The following LRRC4C variants were observed in gnomAD, a reference collection of about 807,000 sequenced individuals.
LRRC4C encodes leucine rich repeat containing 4C.
Under a neutral mutation model 33.6 loss-of-function variants are expected in LRRC4C, and 5 were observed. That is an observed-to-expected ratio of 0.15 (90% CI 0.08 to 0.31). The LOEUF (loss-of-function observed/expected upper bound fraction) is 0.31. Among genes scored for constraint, LRRC4C ranks in the 10% least tolerant of loss-of-function variants. LRRC4C has a pLI of 1.00. For synonymous variants in LRRC4C, 329 were observed against 302.0 expected (o/e 1.09, Z -0.93); for missense variants, 560 against 796.7 (o/e 0.70, Z 3.58).
rs188191957 is a variant in LRRC4C, at chr11:40,431,697, T to C, written c.-269-111976A>G. Among the ~76,000 whole-genome samples the C allele has an allele frequency of 2.8e-4, 42 of 152,316 alleles. No homozygotes were observed. In the East Asian group the frequency reaches 7.3e-3, roughly 27 times the overall value. On this transcript the variant is annotated intron_variant, in intron 3 of 6. Coordinates refer to ENST00000528697, the MANE Select transcript of LRRC4C (RefSeq NM_001258419.2). ...CCTAAGAACCATATTAAATACTTCA[T>C]ACGCATCATGCTTTTCTCATAGCAA...
chr11:40,251,378 T>C (rs1866771518), intron 4 of LRRC4C, among the ~76,000 whole-genome samples: 1 of 152,136 alleles, frequency 6.6e-6, no homozygotes, highest in African/African-American at 2.4e-5. Context: ...TGATACAAAC[T>C]GAAGGTACAA....
chr11:40,809,713 G>A (rs1404860542), intron 2 of LRRC4C, among the ~76,000 whole-genome samples: 1 of 152,078 alleles, frequency 6.6e-6, no homozygotes, highest in Non-Finnish European at 1.5e-5. Context: ...TGTATATTTT[G>A]AATAAATTTA....
intron 2 of LRRC4C, among the ~76,000 whole-genome samples, chr11:40,896,997 T>C (rs1324173952): frequency 1.3e-5 from 2 of 152,114 alleles, no homozygotes; most frequent in African/African-American, 4.8e-5. Flanking sequence ...CTTAATTAAG[T>C]ACCCAGAAAG....
intron 6 of LRRC4C, among the ~76,000 whole-genome samples, chr11:40,128,573 C>A (rs986728688): frequency 6.6e-6 from 1 of 152,030 alleles, no homozygotes; most frequent in Non-Finnish European, 1.5e-5. Context: ...TTGAAACACC[C>A]CTATTAGCTC....
chr11:40,170,749 C>T (rs1218004502), intron 5 of LRRC4C, among the ~76,000 whole-genome samples: 1 of 152,178 alleles, frequency 6.6e-6, no homozygotes, highest in Non-Finnish European at 1.5e-5. Flanking sequence ...TGTGAATTTA[C>T]ACTTCTGCCT....
intron 1 of LRRC4C, among the ~76,000 whole-genome samples, chr11:41,161,242 T>C (rs551231472): frequency 1.6e-4 from 25 of 152,242 alleles, no homozygotes; most frequent in African/African-American, 5.5e-4. Flanking sequence ...TGCTTACATA[T>C]ATACAATGAA....
At chr11:40,831,936 T>C (rs1952434290) in intron 2 of LRRC4C, among the ~76,000 whole-genome samples, 1 of 152,166 alleles carries the variant, frequency 6.6e-6, no homozygotes, top group Non-Finnish European at 1.5e-5. Context: ...AGCCAAACCA[T>C]ATCATAAAAT....
At chr11:41,453,025 A>C (rs1405422571) in intron 1 of LRRC4C, among the ~76,000 whole-genome samples, 3 of 152,098 alleles carry the variant, frequency 2.0e-5, no homozygotes, top group African/African-American at 4.8e-5. Flanking sequence ...ATCTTTTTAC[A>C]ACACTACAAG....
intron 1 of LRRC4C, among the ~76,000 whole-genome samples, chr11:41,170,782 C>G (rs1264120457): frequency 6.6e-6 from 1 of 152,126 alleles, no homozygotes; most frequent in Non-Finnish European, 1.5e-5. Context: ...AAGAGCTCTG[C>G]AAAGCAAAAG....
chr11:41,130,435 G>A (rs1942959628), intron 1 of LRRC4C, among the ~76,000 whole-genome samples: 1 of 151,898 alleles, frequency 6.6e-6, no homozygotes, highest in African/African-American at 2.4e-5. Flanking sequence ...GACACATCTG[G>A]TTATGTTGCT....
chr11:41,271,656 TATTA>T (rs1015854657), intron 1 of LRRC4C, among the ~76,000 whole-genome samples: 8 of 152,126 alleles, frequency 5.3e-5, no homozygotes, highest in Admixed American at 5.2e-4. Flanking sequence ...ATACCGTATT[TATTA>T]ATTAGTTTTC....
At chr11:41,078,234 A>G (rs995848570) in intron 1 of LRRC4C, among the ~76,000 whole-genome samples, 2 of 152,094 alleles carry the variant, frequency 1.3e-5, no homozygotes, top group Non-Finnish European at 2.9e-5. Flanking sequence ...AAAGTTCTAA[A>G]CTTTCTGACA....
intron 1 of LRRC4C, among the ~76,000 whole-genome samples, chr11:41,264,451 T>C (rs995598499): frequency 6.6e-6 from 1 of 152,110 alleles, no homozygotes; most frequent in Non-Finnish European, 1.5e-5. Context: ...TGGTGTCAAA[T>C]GGCTCAAACT....
chr11:40,631,496 G>T (rs1455476468), intron 3 of LRRC4C, among the ~76,000 whole-genome samples: 2 of 152,024 alleles, frequency 1.3e-5, no homozygotes, highest in African/African-American at 4.8e-5. Context: ...AATAGGAAAG[G>T]CAATTGCTTT....
chr11:40,303,337 T>C (rs1565252014), intron 4 of LRRC4C, among the ~76,000 whole-genome samples: 3 of 152,194 alleles, frequency 2.0e-5, no homozygotes, highest in Non-Finnish European at 2.9e-5. Context: ...TGAGATATTC[T>C]ATTTGGAGGC....
chr11:40,912,036 T>C (rs933718386), intron 2 of LRRC4C, among the ~76,000 whole-genome samples: 1 of 152,086 alleles, frequency 6.6e-6, no homozygotes, highest in African/African-American at 2.4e-5. Context: ...CCAAGAAATA[T>C]GGGACTATGT....
intron 2 of LRRC4C, among the ~76,000 whole-genome samples, chr11:40,896,203 C>A (rs1250369596): frequency 4.6e-5 from 7 of 152,180 alleles, no homozygotes; most frequent in Admixed American, 4.6e-4. Context: ...TTCGCTCCAG[C>A]TCAGCATAGA....
At chr11:41,296,315 C>CTTTTT (rs11347878) in intron 1 of LRRC4C, among the ~76,000 whole-genome samples, 1 of 147,464 alleles carries the variant, frequency 6.8e-6, no homozygotes. Context: ...TTATGCTGTG[C>CTTTTT]TTTTTTTTTT....
intron 1 of LRRC4C, among the ~76,000 whole-genome samples, chr11:41,136,974 G>A (rs1390635704): frequency 6.6e-6 from 1 of 151,842 alleles, no homozygotes; most frequent in Non-Finnish European, 1.5e-5. Flanking sequence ...TAGGCTGGGT[G>A]CGGCAACTCA....
Sources: gnomAD v4.1 joint callset for allele counts (sites outside exome capture counted in the v4.1 genomes callset) on GRCh38, gnomAD v4.1.1 for gene constraint, MANE v1.5 for transcripts, NCBI Gene and HGNC (gene_info 2026-07-23, HGNC 2026-07-21) for gene names.